The following MYOM3 variants were observed in gnomAD, a reference collection of about 807,000 sequenced individuals.
MYOM3 encodes myomesin 3.
Under a neutral mutation model 191.7 loss-of-function variants are expected in MYOM3, and 155 were observed. The observed-to-expected ratio is 0.81, with a 90% confidence interval of 0.71 to 0.92. MYOM3 has a LOEUF of 0.92. MYOM3 is among the 40% of genes least tolerant of loss of function. The pLI is 0.00. For synonymous variants in MYOM3, 757 were observed against 762.9 expected, an observed-to-expected ratio of 0.99 and a Z score of 0.13; for missense variants, 1,889 against 1,890.6, an observed-to-expected ratio of 1.00 and a Z score of 0.02.
intron 33 of MYOM3, among the ~76,000 whole-genome samples, 196 bp from the exon 34 acceptor site, chr1:24,061,505 T>C (rs1256126803): frequency 6.6e-6 from 1 of 152,210 alleles, no homozygotes; most frequent in African/African-American, 2.4e-5. Context: ...TTTTCTTTTT[T>C]CTTTCTTTTT....
intron 3 of MYOM3, 61 bp downstream of exon 3, chr1:24,107,931 CG>C: frequency 2.8e-6 from 4 of 1,420,232 alleles, no homozygotes; most frequent in Non-Finnish European, 3.9e-6. Context: ...GCAGGGAGGC[CG>C]GGGACTGGAC....
chr1:24,073,000 A>G (rs1262777779), intron 23 of MYOM3, among the ~76,000 whole-genome samples: 1 of 152,290 alleles, frequency 6.6e-6, no homozygotes, highest in East Asian at 1.9e-4. Flanking sequence ...CCTTAACACT[A>G]TGAGTCTAGA....
chr1:24,102,045 T>C (rs1414640465), intron 5 of MYOM3, among the ~76,000 whole-genome samples: 1 of 151,884 alleles, frequency 6.6e-6, no homozygotes, highest in Non-Finnish European at 1.5e-5. Context: ...GAATGGAGTC[T>C]CATGGGATGA....
At chr1:24,089,240 C>G (rs1643783073) in intron 14 of MYOM3, among the ~76,000 whole-genome samples, 1 of 152,154 alleles carries the variant, frequency 6.6e-6, no homozygotes, top group Non-Finnish European at 1.5e-5. Context: ...GGCTTGGGGG[C>G]AGGGAGGTAC....
At chr1:24,089,916 C>T (rs1643794475) in intron 13 of MYOM3, 149 bp downstream of exon 13, 3 of 842,776 alleles carry the variant, frequency 3.6e-6, no homozygotes, top group African/African-American at 1.7e-5. Flanking sequence ...GCCACAGTGA[C>T]CCCAGCACTC....
intron 17 of MYOM3, 132 bp from the exon 18 acceptor site, chr1:24,082,320 T>A: frequency 1.1e-6 from 1 of 950,402 alleles, no homozygotes; most frequent in Non-Finnish European, 1.5e-6. Flanking sequence ...CCTGAGCCAG[T>A]AGTATCTGTG....
intron 35 of MYOM3, among the ~76,000 whole-genome samples, chr1:24,060,187 C>A (rs962583713): frequency 6.6e-6 from 1 of 152,142 alleles, no homozygotes. Context: ...AGAGCCTCCT[C>A]GTGGCCTGAG....
rs375586251 is a variant in MYOM3, at chr1:24,111,013, G to A, written c.-19+1018C>T. Among the ~76,000 whole-genome samples the A allele has an allele frequency of 7.2e-5, 11 of 152,354 alleles. No individual in the cohort carries two copies. The highest frequency in any genetic ancestry group is 3.3e-4 in the Admixed American group (5 of 15,306). ...CACAGCAGGCAGGGGCCTGGCGCTC[G>A]TCCCTGACCTCGGGGCCTCCAGCAA... On this transcript the variant is annotated intron_variant, in intron 1 of 36. Transcript: ENST00000374434. The surrounding 1 kb of genome is among the most constrained non-coding windows in gnomAD (Gnocchi z 4.7).
At chr1:24,065,086 G>T (rs182364919) in intron 29 of MYOM3, among the ~76,000 whole-genome samples, 1 of 152,336 alleles carries the variant, frequency 6.6e-6, no homozygotes, top group Admixed American at 6.5e-5. Flanking sequence ...CAGAAAGTTT[G>T]CACCAATGGG....
At chr1:24,096,666 C>T (rs943967196) in intron 7 of MYOM3, among the ~76,000 whole-genome samples, 3 of 152,158 alleles carry the variant, frequency 2.0e-5, no homozygotes, top group Admixed American at 2.0e-4. Flanking sequence ...CTGGGATCCA[C>T]CTGTCTACTG....
rs777591339 is a variant in MYOM3 at position 24,058,989 on chromosome 1, A to G, written c.3995-10T>C. Reference sequence around the variant, plus strand: ...ACCACTTTGGCACGATCTGGAAGGGAAATAAGAGACCCCAGCGATGAATCC... The same window carrying G: ...ACCACTTTGGCACGATCTGGAAGGGGAATAAGAGACCCCAGCGATGAATCC... On this transcript the variant is annotated splice_polypyrimidine_tract_variant and intron_variant, in intron 35 of 36. Transcript: ENST00000374434. 6.2e-7 allele frequency: 1 copy of G among 1,607,234 alleles called. No homozygotes were observed. Among genetic ancestry groups the G allele is most frequent in the Non-Finnish European group, 8.5e-7 (1 of 1,175,216 alleles).
chr1:24,074,845 G>A (rs59506487), intron 22 of MYOM3, among the ~76,000 whole-genome samples: 4,314 of 152,296 alleles, frequency 0.028, 217 homozygotes, highest in African/African-American at 0.099. Context: ...AGCCCTTTGG[G>A]AGGCTGAGTG....
chr1:24,057,216 C>G lies in MYOM3; in HGVS notation c.*148G>C, dbSNP rs1643312448. ...TTGCTTCTCCACTTTGGTGCATCCG[C>G]TCCACCCCCACCCTCACATCCTGGG... On this transcript the variant is annotated 3_prime_UTR_variant, in exon 37 of 37. Coordinates refer to ENST00000374434, the MANE Select transcript of MYOM3 (RefSeq NM_152372.4). 2.5e-6 allele frequency: 2 copies of G among 802,520 alleles called. No individual in the cohort carries two copies. Among genetic ancestry groups the G allele is most frequent in the South Asian group, 3.7e-5 (2 of 53,546 alleles). 49.7% of individuals were successfully genotyped at this position (802,520 alleles called of 1,614,324 possible). A position where few individuals can be genotyped will look rare whatever the true frequency, so the allele number is the denominator to read the frequency against.
chr1:24,066,808 C>T, intron 28 of MYOM3: 1 of 542,724 alleles, frequency 1.8e-6, no homozygotes, highest in Non-Finnish European at 3.3e-6. Context: ...GGCTGGTCCA[C>T]CTCACACGAA....
rs1383606099 is a variant in MYOM3, at chr1:24,062,090, C to T, written c.3790G>A (p.Gly1264Ser). Residue 1264 changes from glycine (G) to serine (S), a missense_variant, in exon 33 of 37, where the codon GGT becomes AGT. By Grantham distance (56) the Gly-to-Ser change is moderately conservative. Transcript: ENST00000374434. ...GTGGTGCCCGTCCTTATCCGATCAC[C>T]ACTCTCCAGACGTTTGTCTCTGAAT... ...WFHKDKRLES[G>S]DRIRTGTTLD... 1.9e-6 allele frequency: 3 copies of T among 1,614,028 alleles called. No homozygotes were observed. The highest frequency in any genetic ancestry group is 3.3e-5 in the Admixed American group (2 of 59,998).
At chr1:24,098,131 C>T (rs1198164072) in intron 6 of MYOM3, 120 bp from the exon 7 acceptor site, 15 of 709,788 alleles carry the variant, frequency 2.1e-5, no homozygotes, top group Non-Finnish European at 2.6e-6. Context: ...CAGGAAGAGA[C>T]TTTGGTCATT....
chr1:24,081,633 G>T, intron 18 of MYOM3, 177 bp from the exon 19 acceptor site: 1 of 700,900 alleles, frequency 1.4e-6, no homozygotes, highest in Admixed American at 2.9e-5. Context: ...CATGAACATG[G>T]CTCACTGCAG....
intron 12 of MYOM3, 45 bp downstream of exon 12, chr1:24,090,752 C>A: frequency 6.3e-7 from 1 of 1,594,406 alleles, no homozygotes; most frequent in Non-Finnish European, 8.6e-7. Context: ...CCTGAGGGTT[C>A]CCTGACTGAT....
At chr1:24,067,325 C>CTTCCTTCTTTCTTTCT (rs1553155380) in intron 27 of MYOM3, among the ~76,000 whole-genome samples, 5 of 58,862 alleles carry the variant, frequency 8.5e-5, no homozygotes, top group Non-Finnish European at 1.0e-4. Flanking sequence ...TCTTTCTTTC[C>CTTCCTTCTTTCTTTCT]TTCTTTCTTT....
Sources: gnomAD v4.1 joint callset for allele counts (sites outside exome capture counted in the v4.1 genomes callset) on GRCh38, gnomAD v4.1.1 for gene constraint, Gnocchi (gnomAD v3.1) non-coding constraint, MANE v1.5 for transcripts, NCBI Gene and HGNC (gene_info 2026-07-23, HGNC 2026-07-21) for gene names.